ZNF443: variants seen among roughly 807,000 people sequenced by gnomAD.
The protein encoded by ZNF443 is Kruppel-type zinc finger (C2H2).
ZNF443 carries 3 observed loss-of-function variants against 12.0 expected under a neutral mutation model. The ratio of observed to expected loss-of-function variants is 0.25; its 90% confidence interval spans 0.11 to 0.64. The LOEUF (loss-of-function observed/expected upper bound fraction) is 0.64, where lower values mean the gene tolerates loss of function less well. ZNF443 is among the 30% of genes least tolerant of loss of function. The probability of loss-of-function intolerance (pLI) is 0.84; values close to 1 mark genes in which losing one functional copy is unlikely to be tolerated. For synonymous variants in ZNF443, 225 were observed against 265.9 expected (o/e 0.85, Z 1.50); for missense variants, 770 against 808.8 (o/e 0.95, Z 0.58).
chr19:12,440,502 G>T (rs1236034538), intron 1 of ZNF443, among the ~76,000 whole-genome samples: 1 of 152,046 alleles, frequency 6.6e-6, no homozygotes. Context: ...ACACCCAGCC[G>T]CCCCCGTCCA....
chr19:12,430,708 G>T lies in ZNF443; in HGVS notation c.1464C>A (p.Phe488Leu). 6.2e-7 allele frequency: 1 copy of T among 1,613,244 alleles called. No individual in the cohort carries two copies. The highest frequency in any genetic ancestry group is 1.1e-5 in the South Asian group (1 of 91,048). Residue 488 changes from phenylalanine (F) to leucine (L), a missense_variant, in exon 4 of 4, where the codon TTC (phenylalanine) becomes TTA (leucine). Physicochemically the swap from Phe to Leu is conservative, Grantham distance 22. This residue lies in a region of ZNF443 where 736 missense variants were observed against 689.4 expected (regional missense o/e 1.07). Coordinates refer to ENST00000301547, the MANE Select transcript of ZNF443 (RefSeq NM_005815.5). ...TTGTTTTGTGATTTTGAAAGGAACA[G>T]AAATCAATACAGGCTTTCCCAAGTT... ...KCKLGKACIDFCSFQNHKTTH... is the reference protein window; with the variant it reads ...KCKLGKACIDLCSFQNHKTTH...
intron 1 of ZNF443, among the ~76,000 whole-genome samples, chr19:12,436,667 G>GTT (rs1568238877): frequency 1.1e-4 from 17 of 152,052 alleles, no homozygotes; most frequent in Non-Finnish European, 2.5e-4. Flanking sequence ...GAGAACATGT[G>GTT]ATTGGTGTAC....
At position 12,429,897 on chromosome 19, in the gene ZNF443, A is replaced by G. The variant is rs1263821485; in HGVS notation, c.*259T>C. 1 of 591,888 alleles carries G rather than the reference A, an allele frequency of 1.7e-6. No homozygotes were observed. Among genetic ancestry groups the G allele is most frequent in the East Asian group, 2.9e-5 (1 of 34,444 alleles). The allele number at this position is 591,888 out of a possible 1,614,324, so 36.7% of individuals were successfully genotyped here. On this transcript the variant is annotated 3_prime_UTR_variant, in exon 4 of 4. Coordinates refer to ENST00000301547, the MANE Select transcript of ZNF443 (RefSeq NM_005815.5). Reference sequence around the variant, plus strand: ...ATTTTAAGTAATCTAGACATAATTGAGACTATACAAGAGGATGTGGGTAAG... The same window carrying G: ...ATTTTAAGTAATCTAGACATAATTGGGACTATACAAGAGGATGTGGGTAAG...
In ZNF443 at chr19:12,430,724, T is replaced by A. The variant is rs780908880; in HGVS notation, c.1448A>T (p.Lys483Ile). 8.1e-6 allele frequency: 13 copies of A among 1,613,232 alleles called. No homozygotes were observed. In the African/African-American group the frequency reaches 1.6e-4, roughly 20 times the overall value. ...AAAGGAACAGAAATCAATACAGGCT[T>A]TCCCAAGTTTGCATTTATAGGGTTT... ...GEKPYKCKLGKACIDFCSFQN... is the reference protein window; with the variant it reads ...GEKPYKCKLGIACIDFCSFQN... The change falls in exon 4 of 4, where the codon AAA becomes ATA. Residue 483 changes from lysine to isoleucine, a missense_variant. Around this residue, in one of 3 missense-constraint regions of ZNF443, gnomAD observed 736 missense variants for 689.4 expected, o/e 1.07. Coordinates refer to ENST00000301547, the MANE Select transcript of ZNF443 (RefSeq NM_005815.5).
chr19:12,433,459 A>T (rs576718693), intron 1 of ZNF443, among the ~76,000 whole-genome samples: 4 of 152,190 alleles, frequency 2.6e-5, no homozygotes, highest in Non-Finnish European at 4.4e-5. Flanking sequence ...CATAGCCTGG[A>T]TCACCCCTAA....
At chr19:12,432,257 T>A in intron 3 of ZNF443, 120 bp downstream of exon 3, 1 of 921,028 alleles carries the variant, frequency 1.1e-6, no homozygotes, top group Non-Finnish European at 1.7e-6. Flanking sequence ...TTGGAGAAAA[T>A]TTTCTAAGAA....
rs1414474035 is a variant in ZNF443, at chr19:12,431,578, T to C, written c.594A>G (p.Lys198=). 6.2e-7 allele frequency: 1 copy of C among 1,614,040 alleles called. No homozygotes were observed. The change falls in exon 4 of 4, where the codon AAA becomes AAG. Residue 198 remains lysine, a synonymous_variant. Transcript: ENST00000301547. Reference sequence around the variant, plus strand: ...AAAACGCTTTCCCACACAACTTACATTTATAAGGTCCATCTCCACGCTGCA... The same window carrying C: ...AAAACGCTTTCCCACACAACTTACACTTATAAGGTCCATCTCCACGCTGCA... The part of the protein sequence containing the change: ...MAVQRGDGPY[K]CKLCGKAFFW...
chr19:12,430,170 T>C lies in ZNF443; in HGVS notation c.2002A>G (p.Lys668Glu), dbSNP rs764724880. 1.7e-5 allele frequency: 27 copies of C among 1,613,558 alleles called. No individual in the cohort carries two copies. The highest frequency in any genetic ancestry group is 1.6e-4 in the Middle Eastern group (1 of 6,082). Reference sequence around the variant, plus strand: ...TAGAGAGAATGCTAGTGAGTCTTTTTATGTCTATGCAAGGAACTGAGAGAA... The same window carrying C: ...TAGAGAGAATGCTAGTGAGTCTTTTCATGTCTATGCAAGGAACTGAGAGAA... Reference protein sequence around the residue: ...FASLSSLHRHKKTH With the variant: ...FASLSSLHRHEKTH Residue 668 changes from lysine to glutamate, a missense_variant, in exon 4 of 4, where the codon AAA becomes GAA. This residue lies in a region of ZNF443 where 30 missense variants were observed against 60.4 expected (regional missense o/e 0.50). Transcript: ENST00000301547.
intron 3 of ZNF443, 28 bp downstream of exon 3, chr19:12,432,349 A>G (rs1046102901): frequency 7.2e-6 from 11 of 1,537,692 alleles, no homozygotes; most frequent in African/African-American, 5.6e-5. Flanking sequence ...CTCCAGGGAC[A>G]TATCTTTCTC....
At chr19:12,433,793 T>C (rs940077140) in intron 1 of ZNF443, among the ~76,000 whole-genome samples, 1 of 151,142 alleles carries the variant, frequency 6.6e-6, no homozygotes, top group Non-Finnish European at 1.5e-5. Context: ...GTTTGAATGG[T>C]TGTCCCCTCC....
chr19:12,435,265 AGTG>A (rs1970297106), intron 1 of ZNF443, among the ~76,000 whole-genome samples: 1 of 151,354 alleles, frequency 6.6e-6, no homozygotes, highest in Non-Finnish European at 1.5e-5. Context: ...TGTGAGCCAC[AGTG>A]CCCAGCCAAG....
At position 12,431,106 on chromosome 19, in the gene ZNF443, T is replaced by G; in HGVS notation, c.1066A>C (p.Met356Leu). Residue 356 changes from methionine to leucine, a missense_variant, in exon 4 of 4, where the codon ATG becomes CTG. Physicochemically the swap from Met to Leu is conservative, Grantham distance 15. This residue lies in a region of ZNF443 where 736 missense variants were observed against 689.4 expected (regional missense o/e 1.07). Coordinates refer to ENST00000301547, the MANE Select transcript of ZNF443 (RefSeq NM_005815.5). The part of the protein sequence containing the change: ...FHHLGSFQRH[M>L]IRHTGNGPHK... ...GGTCCATTTCCAGTGTGCCTTATCA[T>G]GTGTCTTTGAAAGCTTCCCAGATGA... is the stretch of plus-strand genomic sequence containing the variant. The G allele has an allele frequency of 6.8e-6, 11 of 1,614,162 alleles. No homozygotes were observed. The highest frequency in any genetic ancestry group is 9.3e-6 in the Non-Finnish European group (11 of 1,180,004).
In ZNF443 at chr19:12,431,458, A is replaced by T; in HGVS notation, c.714T>A (p.Ser238Arg). ...KQCSKAFSFY[S>R]SYLRHERTHT... ...GTGTTCTTTCATGTCTTAGATAGGAACTGTAAAAAGAAAAGGCTTTAGAAC... is the reference window on the plus strand; with the variant it reads ...GTGTTCTTTCATGTCTTAGATAGGATCTGTAAAAAGAAAAGGCTTTAGAAC... Residue 238 changes from serine to arginine, a missense_variant, in exon 4 of 4, where the codon AGT becomes AGA. This residue lies in a region of ZNF443 where 736 missense variants were observed against 689.4 expected (regional missense o/e 1.07). Coordinates refer to ENST00000301547, the MANE Select transcript of ZNF443 (RefSeq NM_005815.5). 1 of 1,614,052 alleles carries T rather than the reference A, an allele frequency of 6.2e-7. No homozygotes were observed. Among genetic ancestry groups the T allele is most frequent in the Non-Finnish European group, 8.5e-7 (1 of 1,179,982 alleles).
chr19:12,435,361 C>G (rs1970298410), intron 1 of ZNF443, among the ~76,000 whole-genome samples: 1 of 152,030 alleles, frequency 6.6e-6, no homozygotes, highest in African/African-American at 2.4e-5. Flanking sequence ...GCAAAATACA[C>G]AAAAAGCCTG....
At chr19:12,438,198 A>G (rs1397963345) in intron 1 of ZNF443, among the ~76,000 whole-genome samples, 3 of 152,242 alleles carry the variant, frequency 2.0e-5, no homozygotes, top group African/African-American at 7.2e-5. Context: ...TATGCTTTAC[A>G]TGGATATTTA....
intron 1 of ZNF443, among the ~76,000 whole-genome samples, chr19:12,435,817 T>G (rs1195040451): frequency 6.6e-6 from 1 of 151,730 alleles, no homozygotes; most frequent in African/African-American, 2.4e-5. Context: ...AAATAAGGAA[T>G]ACAGTCTGTG....
At chr19:12,436,480 C>CA (rs1333796340) in intron 1 of ZNF443, among the ~76,000 whole-genome samples, 12 of 146,714 alleles carry the variant, frequency 8.2e-5, no homozygotes, top group Admixed American at 4.1e-4. Flanking sequence ...ACCTCTGTCT[C>CA]AAAAAAAAAG....
intron 1 of ZNF443, among the ~76,000 whole-genome samples, chr19:12,439,496 A>T (rs1326523530): frequency 6.6e-6 from 1 of 151,746 alleles, no homozygotes; most frequent in Non-Finnish European, 1.5e-5. Flanking sequence ...GTGGACATCC[A>T]TTTTTTTTGA....
intron 1 of ZNF443, among the ~76,000 whole-genome samples, chr19:12,437,223 C>G (rs1186022637): frequency 6.7e-6 from 1 of 149,970 alleles, no homozygotes; most frequent in Non-Finnish European, 1.5e-5. Flanking sequence ...ACTGTCTCTA[C>G]GAAACGTGTA....
Sources: gnomAD v4.1 joint callset for allele counts (sites outside exome capture counted in the v4.1 genomes callset) on GRCh38, gnomAD v4.1.1 for gene constraint, gnomAD v4.1.1 regional missense constraint, MANE v1.5 for transcripts, NCBI Gene and HGNC (gene_info 2026-07-23, HGNC 2026-07-21) for gene names.